The following COP1 variants were observed in gnomAD, a reference collection of about 807,000 sequenced individuals.
COP1 encodes COP1 E3 ubiquitin ligase, also known as E3 ubiquitin-protein ligase COP1.
In COP1, 24 loss-of-function variants were observed where a neutral mutation model predicts 101.3. The observed-to-expected ratio is 0.24, with a 90% CI of 0.17 to 0.33. The LOEUF is 0.33. COP1 is among the 10% of genes least tolerant of loss of function. COP1 has a pLI of 1.00. For synonymous variants in COP1, 347 were observed against 341.9 expected, an observed-to-expected ratio of 1.01 and a Z score of -0.17; for missense variants, 663 against 906.2, an observed-to-expected ratio of 0.73 and a Z score of 3.45.
At chr1:176,197,726 A>G (rs1341117490) in intron 1 of COP1, among the ~76,000 whole-genome samples, 1 of 152,250 alleles carries the variant, frequency 6.6e-6, no homozygotes, top group Non-Finnish European at 1.5e-5. Context: ...TAAAAGATGT[A>G]AAAGTATATT....
At chr1:176,075,444 T>C (rs1381896255) in intron 11 of COP1, among the ~76,000 whole-genome samples, 2 of 152,218 alleles carry the variant, frequency 1.3e-5, no homozygotes, top group Non-Finnish European at 1.5e-5. Flanking sequence ...AAATTCCCGA[T>C]ATGCCTCAAA....
intron 18 of COP1, among the ~76,000 whole-genome samples, chr1:175,970,238 G>A (rs1230861160): frequency 6.6e-6 from 1 of 152,082 alleles, no homozygotes; most frequent in Non-Finnish European, 1.5e-5. Context: ...CAGAAACCAA[G>A]GAGATAAAAT....
intron 8 of COP1, among the ~76,000 whole-genome samples, chr1:176,117,497 G>A (rs1686389044): frequency 6.6e-6 from 1 of 151,944 alleles, no homozygotes; most frequent in Admixed American, 6.6e-5. Context: ...CTTTAAATAA[G>A]CCTTACATAA....
At position 175,991,695 on chromosome 1, in the gene COP1, T is replaced by C. The variant is rs111431242; in HGVS notation, c.1730-2216A>G. Among the ~76,000 whole-genome samples, 271 of 152,342 alleles carry C rather than the reference T, an allele frequency of 1.8e-3. 1 individual carries two copies. The highest frequency in any genetic ancestry group is 2.9e-3 in the Non-Finnish European group (197 of 68,026). On this transcript the variant is annotated intron_variant, in intron 15 of 19. Coordinates refer to ENST00000367669, the MANE Select transcript of COP1 (RefSeq NM_022457.7). ...AAAAGTATTTCCTTTTTACATTTCC[T>C]TATAAGTTAAAAAATTAAAATAGGA...
At position 176,176,094 on chromosome 1, in the gene COP1, A is replaced by G. The variant is rs534892143; in HGVS notation, c.468-87T>C. 7 of 674,888 alleles carry G rather than the reference A, an allele frequency of 1.0e-5. No individual in the cohort carries two copies. In the South Asian group the frequency reaches 1.3e-4, roughly 12 times the overall value. 41.8% of individuals were successfully genotyped at this position (674,888 alleles called of 1,614,324 possible). A position where few individuals can be genotyped will look rare whatever the true frequency, so the allele number is the denominator to read the frequency against. On this transcript the variant is annotated intron_variant, in intron 2 of 19. Transcript: ENST00000367669. The stretch of plus-strand genomic sequence containing the variant: ...ACAAAATAATGACTATTAGTCTTCT[A>G]TTCCTCATTTTCAACATAACTAATC...
chr1:176,140,468 G>T (rs1690497728), intron 6 of COP1, among the ~76,000 whole-genome samples: 1 of 152,100 alleles, frequency 6.6e-6, no homozygotes, highest in African/African-American at 2.4e-5. Context: ...TTAAATTTGA[G>T]GTGTTTCCAT....
chr1:176,014,497 A>G (rs1053191685), intron 15 of COP1, among the ~76,000 whole-genome samples: 1 of 152,244 alleles, frequency 6.6e-6, no homozygotes, highest in African/African-American at 2.4e-5. Flanking sequence ...AGGTGGTTAC[A>G]TTCTGTAATT....
chr1:176,085,947 A>G (rs1558076994), intron 9 of COP1, 57 bp from the exon 10 acceptor site: 2 of 902,358 alleles, frequency 2.2e-6, no homozygotes, highest in African/African-American at 1.6e-5. Flanking sequence ...TCTTTTGCAC[A>G]GAATACTCAA....
chr1:176,061,161 C>T lies in COP1; in HGVS notation c.1278-14837G>A, dbSNP rs546703791. Among the ~76,000 whole-genome samples the T allele has an allele frequency of 4.0e-4, 61 of 152,312 alleles. No homozygotes were observed. In the South Asian group the frequency reaches 0.011, roughly 28 times the overall value. The stretch of plus-strand genomic sequence containing the variant: ...ACAGTTAAGTAGACTCACATATATA[C>T]AGTCAATTCATTTTAAACAAAGAGA... On this transcript the variant is annotated intron_variant, in intron 11 of 19. Coordinates refer to ENST00000367669, the MANE Select transcript of COP1 (RefSeq NM_022457.7).
At chr1:176,170,653 G>T (rs1479297922) in intron 3 of COP1, among the ~76,000 whole-genome samples, 1 of 152,192 alleles carries the variant, frequency 6.6e-6, no homozygotes, top group Admixed American at 6.5e-5. Flanking sequence ...AGACACGGTA[G>T]ATTTAGCATA....
At chr1:176,176,119 C>A (rs1696899010) in intron 2 of COP1, 112 bp from the exon 3 acceptor site, 4 of 587,386 alleles carry the variant, frequency 6.8e-6, no homozygotes, top group African/African-American at 1.9e-5. Flanking sequence ...CATAACTAAT[C>A]TAATAAATTT....
At chr1:176,185,700 G>A (rs1376467571) in intron 1 of COP1, among the ~76,000 whole-genome samples, 2 of 152,180 alleles carry the variant, frequency 1.3e-5, no homozygotes, top group African/African-American at 2.4e-5. Flanking sequence ...CTTAAGCTAG[G>A]AAGAAAGGAG....
intron 18 of COP1, among the ~76,000 whole-genome samples, chr1:175,983,832 G>A (rs1656460349): frequency 6.6e-6 from 1 of 152,228 alleles, no homozygotes; most frequent in South Asian, 2.1e-4. Context: ...TTAGCAAAGA[G>A]ACTGGCGGCA....
At chr1:176,029,541 C>A (rs2149085073) in intron 14 of COP1, among the ~76,000 whole-genome samples, 1 of 152,250 alleles carries the variant, frequency 6.6e-6, no homozygotes, top group South Asian at 2.1e-4. Flanking sequence ...ACATTAACAA[C>A]AACAACAAAA....
intron 2 of COP1, among the ~76,000 whole-genome samples, chr1:176,181,841 C>CAA (rs559971333): frequency 3.6e-5 from 5 of 139,396 alleles, no homozygotes; most frequent in Admixed American, 1.4e-4. Context: ...GACTCCATCT[C>CAA]AAAAAAAAAA....
At chr1:176,018,999 C>T (rs1666181855) in intron 15 of COP1, among the ~76,000 whole-genome samples, 1 of 151,170 alleles carries the variant, frequency 6.6e-6, no homozygotes, top group Admixed American at 6.6e-5. Context: ...AACTCTGTCC[C>T]TACTACAAAT....
At chr1:176,013,633 C>T (rs528798738) in intron 15 of COP1, among the ~76,000 whole-genome samples, 8 of 152,200 alleles carry the variant, frequency 5.3e-5, no homozygotes, top group African/African-American at 1.9e-4. Flanking sequence ...TTTCAACTCA[C>T]CATATAATAT....
At chr1:176,079,522 C>T (rs1678700361) in intron 11 of COP1, among the ~76,000 whole-genome samples, 1 of 151,600 alleles carries the variant, frequency 6.6e-6, no homozygotes, top group South Asian at 2.1e-4. Context: ...TTATAAAACA[C>T]TTGTTGTGTA....
chr1:176,103,672 TA>T (rs1558116241), intron 9 of COP1, among the ~76,000 whole-genome samples: 1 of 152,244 alleles, frequency 6.6e-6, no homozygotes, highest in Non-Finnish European at 1.5e-5. Context: ...TTTCAGATGC[TA>T]AATCTGTATT....
Sources: gnomAD v4.1 joint callset for allele counts (sites outside exome capture counted in the v4.1 genomes callset) on GRCh38, gnomAD v4.1.1 for gene constraint, MANE v1.5 for transcripts, NCBI Gene and HGNC (gene_info 2026-07-23, HGNC 2026-07-21) for gene names.